SAMD14: variants seen among roughly 807,000 people sequenced by gnomAD.
The protein encoded by SAMD14 is sterile alpha motif domain containing 14.
A neutral mutation model predicts 46.2 loss-of-function variants in SAMD14; 27 were observed. That is an observed-to-expected ratio of 0.58 (90% CI 0.43 to 0.81). The LOEUF (loss-of-function observed/expected upper bound fraction) is 0.81. Ranked by LOEUF, SAMD14 falls within the 30% of genes least tolerant of loss-of-function variation. The pLI is 0.00. For missense variants in SAMD14, 559 were observed against 582.2 expected (o/e 0.96, Z 0.41); for synonymous variants, 241 against 254.3 (o/e 0.95, Z 0.50).
chr17:50,112,762 G>A lies in SAMD14; in HGVS notation c.*131C>T. The A allele has an allele frequency of 1.9e-6, 2 of 1,071,672 alleles. No homozygotes were observed. Among genetic ancestry groups the A allele is most frequent in the Non-Finnish European group, 2.6e-6 (2 of 755,494 alleles). 66.4% of individuals were successfully genotyped at this position (1,071,672 alleles called of 1,614,324 possible). A position where few individuals can be genotyped will look rare whatever the true frequency, so the allele number is the denominator to read the frequency against. The stretch of plus-strand genomic sequence containing the variant: ...AGACCAAGTGACAGGGTAAGAGAGA[G>A]CATGTCCCCCCTGAGAGCGTGGGAC... On this transcript the variant is annotated 3_prime_UTR_variant, in exon 10 of 10. Transcript: ENST00000330175.
At position 50,117,590 on chromosome 17, in the gene SAMD14, G is replaced by T. The variant is rs1286138751; in HGVS notation, c.316C>A (p.Arg106=). Residue 106 remains arginine, a synonymous_variant, in exon 4 of 10, where the codon CGG becomes AGG. Coordinates refer to ENST00000330175, the MANE Select transcript of SAMD14 (RefSeq NM_001257359.2). ...GGCTCGTCCTCGTCCAGGCTGCGCCGCAACCCCGGAGGATCCAGGCAGAAA... is the reference window on the plus strand; with the variant it reads ...GGCTCGTCCTCGTCCAGGCTGCGCCTCAACCCCGGAGGATCCAGGCAGAAA... ...GSFCLDPPGL[R]RSLDEDEPPP... is the part of the protein sequence containing the mutation. 2 of 1,553,382 alleles carry T rather than the reference G, an allele frequency of 1.3e-6. No individual in the cohort carries two copies. The highest frequency in any genetic ancestry group is 2.5e-5 in the East Asian group (1 of 40,190).
chr17:50,125,270 T>A, intron 1 of SAMD14: 1 of 370,462 alleles, frequency 2.7e-6, no homozygotes, highest in Non-Finnish European at 5.1e-6. Flanking sequence ...TGCCTTCACG[T>A]GGGTCACTGA....
chr17:50,122,500 T>A (rs1375329317), intron 2 of SAMD14, among the ~76,000 whole-genome samples: 2 of 152,148 alleles, frequency 1.3e-5, no homozygotes. Flanking sequence ...CCGTCTAGTA[T>A]GTTCCTTGTT....
At chr17:50,128,008 C>G (rs1050292426) in intron 1 of SAMD14, among the ~76,000 whole-genome samples, 5 of 152,164 alleles carry the variant, frequency 3.3e-5, no homozygotes, top group Non-Finnish European at 5.9e-5. Context: ...TCATCTCCCC[C>G]CCACCAATCA....
intron 2 of SAMD14, among the ~76,000 whole-genome samples, chr17:50,121,675 G>C (rs543996626): frequency 2.6e-5 from 4 of 152,256 alleles, no homozygotes; most frequent in African/African-American, 9.6e-5. Flanking sequence ...CTCGCAGAAG[G>C]GGTCCCAAAG....
At chr17:50,116,230 T>G (rs1027601929) in intron 4 of SAMD14, 140 bp from the exon 5 acceptor site, 40 of 1,344,960 alleles carry the variant, frequency 3.0e-5, no homozygotes, top group Non-Finnish European at 3.6e-5. Flanking sequence ...CTGGGTGTCC[T>G]AGGATAAGCC....
intron 9 of SAMD14, chr17:50,113,687 C>T: frequency 1.8e-6 from 1 of 554,570 alleles, no homozygotes; most frequent in South Asian, 2.1e-5. Context: ...GCTTGAAGGT[C>T]ACACTGAAGT....
Position 50,117,652 on chromosome 17 carries a change from G to A in SAMD14, c.254C>T (p.Pro85Leu). Residue 85 changes from proline to leucine, a missense_variant, in exon 4 of 10, where the codon CCT (proline) becomes CTT (leucine). Coordinates refer to ENST00000330175, the MANE Select transcript of SAMD14 (RefSeq NM_001257359.2). ...CGSPLHRLRS[P>L]LHSGPGSPAG... Reference sequence around the variant, plus strand: ...CGGGGACCCCGGGCCTGAGTGCAAAGGCGAGCGCAGCCGGTGCAGGGGGCT... The same window carrying A: ...CGGGGACCCCGGGCCTGAGTGCAAAAGCGAGCGCAGCCGGTGCAGGGGGCT... 1 of 1,550,584 alleles carries A rather than the reference G, an allele frequency of 6.4e-7. No individual in the cohort carries two copies. Among genetic ancestry groups the A allele is most frequent in the Non-Finnish European group, 8.6e-7 (1 of 1,159,318 alleles).
rs1911156805 is a variant in SAMD14, at chr17:50,115,778, A to G, written c.662+52T>C. 1 of 1,613,142 alleles carries G rather than the reference A, an allele frequency of 6.2e-7. No individual in the cohort carries two copies. Among genetic ancestry groups the G allele is most frequent in the Non-Finnish European group, 8.5e-7 (1 of 1,179,896 alleles). On this transcript the variant is annotated intron_variant, in intron 6 of 9. Coordinates refer to ENST00000330175, the MANE Select transcript of SAMD14 (RefSeq NM_001257359.2). The surrounding 1 kb of genome is among the most constrained non-coding windows in gnomAD (Gnocchi z 5.3). ...GGTACAGAGGGGAGGACCAGAGCAC[A>G]TGGGGAGCCAGGGGCGGGAGCTGTG... is the stretch of plus-strand genomic sequence containing the variant.
At position 50,124,761 on chromosome 17, in the gene SAMD14, A is replaced by ACGCGCGCG. The variant is rs868338823; in HGVS notation, c.43+148_43+155dup. 6.6e-3 allele frequency among the ~76,000 whole-genome samples: 713 copies of ACGCGCGCG among 108,086 alleles called. 5 individuals carry two copies. Among genetic ancestry groups the ACGCGCGCG allele is most frequent in the Admixed American group, 0.018 (203 of 11,134 alleles). The allele number at this position is 108,086 out of a possible 152,430, so 70.9% of individuals were successfully genotyped here. On this transcript the variant is annotated intron_variant, in intron 2 of 9. Coordinates refer to ENST00000330175, the MANE Select transcript of SAMD14 (RefSeq NM_001257359.2). ...CAGGCCACAATACCTGCACGCGTGCACGCGCGCGCGCACACACACACACAC... is the reference window on the plus strand; with the variant it reads ...CAGGCCACAATACCTGCACGCGTGCACGCGCGCGCGCGCGCGCGCACACACACACACAC...
At position 50,125,223 on chromosome 17, in the gene SAMD14, C is replaced by CT; in HGVS notation, c.-12-253dup. ...CCAAGGCACAGACACAGGCTGAGCC[C>CT]TGTGGTCCTGGTATCCTGGTCCACT... On this transcript the variant is annotated intron_variant, in intron 1 of 9. Coordinates refer to ENST00000330175, the MANE Select transcript of SAMD14 (RefSeq NM_001257359.2). 6.2e-6 allele frequency: 3 copies of CT among 480,160 alleles called. No homozygotes were observed. In the South Asian group the frequency reaches 6.9e-5, roughly 11 times the overall value. The allele number at this position is 480,160 out of a possible 1,614,324, so 29.7% of individuals were successfully genotyped here.
intron 1 of SAMD14, among the ~76,000 whole-genome samples, chr17:50,128,057 C>T (rs994872750): frequency 1.3e-5 from 2 of 152,206 alleles, no homozygotes; most frequent in African/African-American, 4.8e-5. Flanking sequence ...CGTATTCTTC[C>T]GTCAGACTAG....
intron 2 of SAMD14, among the ~76,000 whole-genome samples, chr17:50,123,876 GTC>G (rs1911617906): frequency 6.6e-6 from 1 of 152,148 alleles, no homozygotes; most frequent in African/African-American, 2.4e-5. Context: ...GCTCGTTTCC[GTC>G]AGGCCTGGGC....
intron 1 of SAMD14, among the ~76,000 whole-genome samples, chr17:50,125,530 C>T (rs1288786162): frequency 7.2e-5 from 11 of 152,158 alleles, no homozygotes; most frequent in African/African-American, 1.7e-4. Context: ...CACCTATCTA[C>T]TTGCCTACTC....
In SAMD14 at chr17:50,129,357, C is replaced by T. The variant is rs1458255906; in HGVS notation, c.-13+160G>A. ...CATAAATCCTATCTCCGCCCCCTCC[C>T]CTGACAGCCCGGCACCCCAGCCCCG... On this transcript the variant is annotated intron_variant, in intron 1 of 9. Coordinates refer to ENST00000330175, the MANE Select transcript of SAMD14 (RefSeq NM_001257359.2). This position sits in a 1 kb window ranked among gnomAD's most constrained non-coding sequence, Gnocchi z 5.6. Among the ~76,000 whole-genome samples, 2 of 152,180 alleles carry T rather than the reference C, an allele frequency of 1.3e-5. No homozygotes were observed. The highest frequency in any genetic ancestry group is 4.8e-5 in the African/African-American group (2 of 41,450).
Position 50,121,519 on chromosome 17 carries a change from T to C in SAMD14, c.44-3192A>G, listed in dbSNP as rs570976664. 1.2e-4 allele frequency among the ~76,000 whole-genome samples: 19 copies of C among 152,234 alleles called. No individual in the cohort carries two copies. In the East Asian group the frequency reaches 3.7e-3, roughly 29 times the overall value. ...TTTTAGTAGAGATGGGGTTTCGCCATGTTGGTCAGGCTGGTCTTGAACTCC... is the reference window on the plus strand; with the variant it reads ...TTTTAGTAGAGATGGGGTTTCGCCACGTTGGTCAGGCTGGTCTTGAACTCC... On this transcript the variant is annotated intron_variant, in intron 2 of 9. Coordinates refer to ENST00000330175, the MANE Select transcript of SAMD14 (RefSeq NM_001257359.2).
intron 2 of SAMD14, chr17:50,123,730 A>T (rs553458315): frequency 4.7e-6 from 1 of 210,850 alleles, no homozygotes; most frequent in East Asian, 1.2e-4. Context: ...ATTCATAAAT[A>T]TTTAATGGCC....
rs1911079691 is a variant in SAMD14, at chr17:50,114,595, C to T, written c.823-289G>A. ...GGTGTCACTTCCTACAGGCAGACCACCGAGATTCCCCCAGGCTGGGTCAGG... is the reference window on the plus strand; with the variant it reads ...GGTGTCACTTCCTACAGGCAGACCATCGAGATTCCCCCAGGCTGGGTCAGG... On this transcript the variant is annotated intron_variant, in intron 7 of 9. Coordinates refer to ENST00000330175, the MANE Select transcript of SAMD14 (RefSeq NM_001257359.2). 4 of 656,540 alleles carry T rather than the reference C, an allele frequency of 6.1e-6. No individual in the cohort carries two copies. In the East Asian group the frequency reaches 8.6e-5, roughly 14 times the overall value. The allele number at this position is 656,540 out of a possible 1,614,324, so 40.7% of individuals were successfully genotyped here. A position where few individuals can be genotyped will look rare whatever the true frequency, so the allele number is the denominator to read the frequency against.
At chr17:50,117,287 TCAC>T (rs1911255445) in intron 4 of SAMD14, 117 bp downstream of exon 4, 4 of 1,024,858 alleles carry the variant, frequency 3.9e-6, no homozygotes, top group African/African-American at 3.3e-5. Flanking sequence ...CGTTTACTCT[TCAC>T]CTCCCCCAGC....
Sources: gnomAD v4.1 joint callset for allele counts (sites outside exome capture counted in the v4.1 genomes callset) on GRCh38, gnomAD v4.1.1 for gene constraint, Gnocchi (gnomAD v3.1) non-coding constraint, MANE v1.5 for transcripts, NCBI Gene and HGNC (gene_info 2026-07-23, HGNC 2026-07-21) for gene names.